Variants in SHLD2 observed in about 807,000 individuals in gnomAD.
SHLD2 encodes RINN1-REV7-interacting novel NHEJ regulator 2.
SHLD2 carries 30 observed loss-of-function variants against 73.2 expected under a neutral mutation model. The observed-to-expected ratio is 0.41, with a 90% CI of 0.31 to 0.56. The LOEUF is 0.56. Ranked by LOEUF, SHLD2 falls within the 20% of genes least tolerant of loss-of-function variation. The pLI, the probability that SHLD2 is intolerant of heterozygous loss-of-function variation, is 0.28. For synonymous variants in SHLD2, 285 were observed against 370.1 expected (o/e 0.77, Z 2.64); for missense variants, 745 against 1,055.9 (o/e 0.71, Z 4.08).
At chr10:87,117,210 G>A (rs544631042) in intron 2 of SHLD2, among the ~76,000 whole-genome samples, 3 of 151,538 alleles carry the variant, frequency 2.0e-5, no homozygotes, top group Admixed American at 1.3e-4. Flanking sequence ...ACCTGAGGTC[G>A]GGAGTTTGAG....
At chr10:87,165,642 A>C (rs1452934283) in intron 4 of SHLD2, among the ~76,000 whole-genome samples, 1 of 152,116 alleles carries the variant, frequency 6.6e-6, no homozygotes, top group African/African-American at 2.4e-5. Context: ...AGACTGAGAA[A>C]CTCTTATAGA....
At chr10:87,175,116 C>T (rs1314782208) in intron 6 of SHLD2, among the ~76,000 whole-genome samples, 1 of 84,744 alleles carries the variant, frequency 1.2e-5, no homozygotes, top group African/African-American at 4.5e-5. Context: ...GACTCCATCT[C>T]AAAAAAAAAA....
chr10:87,144,673 C>G (rs1322723758), intron 2 of SHLD2, among the ~76,000 whole-genome samples: 1 of 127,238 alleles, frequency 7.9e-6, no homozygotes, highest in African/African-American at 3.2e-5. Flanking sequence ...GTTGCCCAGG[C>G]TGGAATGCAG....
At chr10:87,173,095 G>A (rs1847713506) in intron 6 of SHLD2, among the ~76,000 whole-genome samples, 1 of 149,220 alleles carries the variant, frequency 6.7e-6, no homozygotes, top group Non-Finnish European at 1.5e-5. Context: ...CTGGAATGTA[G>A]TGGCATGATC....
At chr10:87,132,344 G>C (rs1187649634) in intron 2 of SHLD2, among the ~76,000 whole-genome samples, 2 of 152,112 alleles carry the variant, frequency 1.3e-5, no homozygotes, top group African/African-American at 4.8e-5. Context: ...GGACTGATAA[G>C]AAATTACTTA....
chr10:87,180,443 A>AT (rs1297635992), intron 8 of SHLD2, 140 bp downstream of exon 8: 5 of 1,140,558 alleles, frequency 4.4e-6, no homozygotes, highest in Non-Finnish European at 6.1e-6. Flanking sequence ...ATAGATAGCT[A>AT]TTTATGGAAG....
chr10:87,189,566 AC>A (rs1374097065), intron 9 of SHLD2, among the ~76,000 whole-genome samples: 33 of 151,946 alleles, frequency 2.2e-4, no homozygotes, highest in Non-Finnish European at 5.9e-5. Context: ...GAATTATCAT[AC>A]CCCCCAAAAT....
intron 3 of SHLD2, among the ~76,000 whole-genome samples, chr10:87,155,064 A>G (rs1846310479): frequency 6.6e-6 from 1 of 151,978 alleles, no homozygotes; most frequent in South Asian, 2.1e-4. Context: ...CCTCCTGAAT[A>G]GCTGGGACTA....
At chr10:87,119,498 C>T (rs1239383771) in intron 2 of SHLD2, among the ~76,000 whole-genome samples, 3 of 152,078 alleles carry the variant, frequency 2.0e-5, no homozygotes, top group Non-Finnish European at 4.4e-5. Flanking sequence ...GCCGGTGGCT[C>T]ACGCCTGTAA....
chr10:87,099,239 A>G (rs1487322643), intron 2 of SHLD2, among the ~76,000 whole-genome samples: 1 of 152,216 alleles, frequency 6.6e-6, no homozygotes, highest in Non-Finnish European at 1.5e-5. Context: ...GATCCATAGC[A>G]TGCTTTTTTC....
chr10:87,138,364 G>A (rs1844947133), intron 2 of SHLD2, among the ~76,000 whole-genome samples: 1 of 149,370 alleles, frequency 6.7e-6, no homozygotes, highest in Non-Finnish European at 1.5e-5. Flanking sequence ...CATCCATAAA[G>A]AGCTGAAAGA....
At chr10:87,190,091 C>T (rs1848950608) in intron 9 of SHLD2, among the ~76,000 whole-genome samples, 1 of 152,216 alleles carries the variant, frequency 6.6e-6, no homozygotes, top group South Asian at 2.1e-4. Context: ...CAGAGTCTTG[C>T]TCTGTTGCCC....
At chr10:87,139,624 G>A (rs547470516) in intron 2 of SHLD2, among the ~76,000 whole-genome samples, 2 of 152,282 alleles carry the variant, frequency 1.3e-5, no homozygotes, top group Admixed American at 1.3e-4. Flanking sequence ...CTTGAGGGTG[G>A]GCAGATCATC....
intron 2 of SHLD2, among the ~76,000 whole-genome samples, chr10:87,108,735 A>G (rs943095872): frequency 6.6e-6 from 1 of 152,202 alleles, no homozygotes; most frequent in Non-Finnish European, 1.5e-5. Context: ...AATTAATTAC[A>G]TGTTAATCTA....
At chr10:87,136,551 T>C (rs1412255314) in intron 2 of SHLD2, among the ~76,000 whole-genome samples, 1 of 152,050 alleles carries the variant, frequency 6.6e-6, no homozygotes, top group Non-Finnish European at 1.5e-5. Flanking sequence ...CCTGTATATA[T>C]CCACATATCT....
intron 9 of SHLD2, among the ~76,000 whole-genome samples, chr10:87,188,906 G>A (rs568331215): frequency 6.0e-5 from 9 of 150,906 alleles, no homozygotes; most frequent in East Asian, 3.9e-4. Context: ...GCCTCTCTCC[G>A]TTTTTTTCCC....
chr10:87,134,765 C>CA (rs2134179895), intron 2 of SHLD2, among the ~76,000 whole-genome samples: 1 of 152,292 alleles, frequency 6.6e-6, no homozygotes, highest in Non-Finnish European at 1.5e-5. Context: ...CACACTCTGG[C>CA]AGTCCATGTT....
intron 2 of SHLD2, among the ~76,000 whole-genome samples, chr10:87,134,748 C>A (rs528697365): frequency 3.7e-4 from 56 of 152,302 alleles, no homozygotes; most frequent in Non-Finnish European, 6.9e-4. Context: ...AGAGATAACT[C>A]TCACCCCACA....
chr10:87,182,684 G>T (rs1343469978), intron 8 of SHLD2, among the ~76,000 whole-genome samples: 1 of 152,038 alleles, frequency 6.6e-6, no homozygotes, highest in Non-Finnish European at 1.5e-5. Flanking sequence ...CACAATTAAG[G>T]CTCCTATTTA....
Sources: gnomAD v4.1 joint callset for allele counts (sites outside exome capture counted in the v4.1 genomes callset) on GRCh38, gnomAD v4.1.1 for gene constraint, MANE v1.5 for transcripts, NCBI Gene and HGNC (gene_info 2026-07-23, HGNC 2026-07-21) for gene names.